ZFAT: variants seen among roughly 807,000 people sequenced by gnomAD.
ZFAT encodes the protein zinc finger protein ZFAT.
A neutral mutation model predicts 117.7 loss-of-function variants in ZFAT; 64 were observed. The ratio of observed to expected loss-of-function variants is 0.54; its 90% CI spans 0.44 to 0.67. The LOEUF is 0.67. ZFAT is among the 30% of genes least tolerant of loss of function. The pLI, the probability that ZFAT is intolerant of heterozygous loss-of-function variation, is 0.00. For synonymous variants in ZFAT, 679 were observed against 615.0 expected, an observed-to-expected ratio of 1.10 and a Z score of -1.54; for missense variants, 1,433 against 1,584.5, an observed-to-expected ratio of 0.90 and a Z score of 1.62.
intron 2 of ZFAT, among the ~76,000 whole-genome samples, chr8:134,645,828 A>G (rs1189998213): frequency 6.6e-6 from 1 of 152,232 alleles, no homozygotes; most frequent in Non-Finnish European, 1.5e-5. Context: ...GCAACAGCAG[A>G]ATACAAAGTA....
intron 15 of ZFAT, among the ~76,000 whole-genome samples, chr8:134,508,116 G>A (rs1819547288): frequency 6.6e-6 from 1 of 152,224 alleles, no homozygotes; most frequent in African/African-American, 2.4e-5. Context: ...ACACTGTGGA[G>A]GAGGGATTTT....
chr8:134,755,248 CAAA>C, the ZFAT span, among the ~76,000 whole-genome samples: 113 of 114,424 alleles, frequency 9.9e-4, no homozygotes, highest in Admixed American at 2.1e-3. Context: ...TACTAAAATA[CAAA>C]AAAAAAAAAA....
chr8:134,593,912 T>C (rs1826717207), intron 7 of ZFAT, among the ~76,000 whole-genome samples: 1 of 152,218 alleles, frequency 6.6e-6, no homozygotes, highest in African/African-American at 2.4e-5. Context: ...AAGAAAGAGA[T>C]GTGTCAACAC....
At chr8:134,536,375 C>T (rs934046733) in intron 11 of ZFAT, among the ~76,000 whole-genome samples, 9 of 152,292 alleles carry the variant, frequency 5.9e-5, no homozygotes, top group African/African-American at 2.2e-4. Context: ...CTGACCAGTG[C>T]AGGGGGAGTT....
At position 134,538,214 on chromosome 8, in the gene ZFAT, G is replaced by C. The variant is rs186973428; in HGVS notation, c.2977-5242C>G. 1.7e-3 allele frequency among the ~76,000 whole-genome samples: 255 copies of C among 152,320 alleles called. 5 individuals are homozygous for C. The highest frequency in any genetic ancestry group is 5.6e-3 in the South Asian group (27 of 4,820). On this transcript the variant is annotated intron_variant, in intron 11 of 15. Transcript: ENST00000377838. ...GAAGAAGGATGACAGAGGATAACAG[G>C]TGTGGGGATCAGGGGAGTCTGGAAT... is the stretch of plus-strand genomic sequence containing the variant.
rs1476420221 is a variant in ZFAT at position 134,549,480 on chromosome 8, C to T, written c.2976+15853G>A. ...AAAAAAAGAAGAAGAAGAAGAAATA[C>T]GAGTTCATCCCCAGAGGCTGCTCAG... On this transcript the variant is annotated intron_variant, in intron 11 of 15. Transcript: ENST00000377838. Among the ~76,000 whole-genome samples the T allele has an allele frequency of 5.3e-5, 8 of 150,732 alleles. No homozygotes were observed. In the East Asian group the frequency reaches 7.8e-4, roughly 15 times the overall value.
At chr8:134,540,329 G>C (rs990015008) in intron 11 of ZFAT, among the ~76,000 whole-genome samples, 2 of 152,146 alleles carry the variant, frequency 1.3e-5, no homozygotes, top group Non-Finnish European at 2.9e-5. Context: ...CCTCAGGACT[G>C]GCTGGTTTTA....
At chr8:134,558,941 A>T (rs1174088046) in intron 11 of ZFAT, among the ~76,000 whole-genome samples, 2 of 152,206 alleles carry the variant, frequency 1.3e-5, no homozygotes, top group African/African-American at 4.8e-5. Context: ...TTGCTATGAG[A>T]CCTCATCACT....
chr8:134,747,216 G>T, the ZFAT span, among the ~76,000 whole-genome samples: 1 of 151,636 alleles, frequency 6.6e-6, no homozygotes, highest in Non-Finnish European at 1.5e-5. Flanking sequence ...AGCCTCCCAA[G>T]TAGCTAGAAC....
the ZFAT span, chr8:134,784,362 A>G: frequency 1.3e-5 from 2 of 152,212 alleles, no homozygotes; most frequent in African/African-American, 4.8e-5. Flanking sequence ...GCCATATATT[A>G]ATGACAAAGT....
chr8:134,757,412 T>C, the ZFAT span, among the ~76,000 whole-genome samples: 452 of 152,266 alleles, frequency 3.0e-3, no homozygotes, highest in Non-Finnish European at 4.4e-3. Context: ...GGGATTCCTG[T>C]CTAAGGCAGT....
At chr8:134,816,630 G>C in the ZFAT span, among the ~76,000 whole-genome samples, 1 of 152,126 alleles carries the variant, frequency 6.6e-6, no homozygotes, top group Non-Finnish European at 1.5e-5. Flanking sequence ...ATGAAAAGAA[G>C]GCTAAAGTAT....
At chr8:134,760,262 C>T in the ZFAT span, among the ~76,000 whole-genome samples, 55,509 of 140,460 alleles carry the variant, frequency 0.4, 10,702 homozygotes, top group Admixed American at 0.48. Flanking sequence ...AGGGAGACTC[C>T]GTCTCAAAAA....
intron 1 of ZFAT, among the ~76,000 whole-genome samples, chr8:134,667,233 C>T (rs1054924005): frequency 6.6e-6 from 1 of 152,060 alleles, no homozygotes; most frequent in South Asian, 2.1e-4. Context: ...GTGGCTCACA[C>T]CTGTAATCCC....
chr8:134,488,908 A>C (rs1817844687), intron 15 of ZFAT, among the ~76,000 whole-genome samples: 2 of 144,556 alleles, frequency 1.4e-5, no homozygotes, highest in African/African-American at 5.0e-5. Context: ...CAACAGCCCA[A>C]GGGCTGGACA....
intron 1 of ZFAT, among the ~76,000 whole-genome samples, chr8:134,662,865 A>G (rs1394626886): frequency 6.6e-6 from 1 of 152,264 alleles, no homozygotes; most frequent in Admixed American, 6.5e-5. Flanking sequence ...CCTGCAAGGC[A>G]GCCTCTTCTG....
At chr8:134,542,173 ACACCCCAT>A (rs1485883375) in intron 11 of ZFAT, among the ~76,000 whole-genome samples, 1 of 152,178 alleles carries the variant, frequency 6.6e-6, no homozygotes, top group Non-Finnish European at 1.5e-5. Flanking sequence ...TCTATCCGGA[ACACCCCAT>A]CACCCCATCA....
intron 14 of ZFAT, 67 bp downstream of exon 14, chr8:134,512,408 A>G (rs1401468254): frequency 2.5e-6 from 4 of 1,579,596 alleles, no homozygotes; most frequent in Non-Finnish European, 3.4e-6. Context: ...TCATCTGCAA[A>G]CGCATTCATT....
chr8:134,754,948 G>A, the ZFAT span, among the ~76,000 whole-genome samples: 10 of 152,200 alleles, frequency 6.6e-5, no homozygotes, highest in Non-Finnish European at 1.0e-4. Flanking sequence ...ATGGGAGATG[G>A]AGAAAGCGGG....
Sources: gnomAD v4.1 joint callset for allele counts (sites outside exome capture counted in the v4.1 genomes callset) on GRCh38, gnomAD v4.1.1 for gene constraint, MANE v1.5 for transcripts, NCBI Gene and HGNC (gene_info 2026-07-23, HGNC 2026-07-21) for gene names.